STAU1: variants seen among roughly 807,000 people sequenced by gnomAD.
STAU1 encodes the protein double-stranded RNA-binding protein Staufen homolog 1.
Under a neutral mutation model 62.9 loss-of-function variants are expected in STAU1, and 13 were observed. The observed-to-expected ratio is 0.21, with a 90% CI of 0.13 to 0.33. STAU1 has a LOEUF of 0.33. Ranked by LOEUF, STAU1 falls within the 10% of genes least tolerant of loss-of-function variation. STAU1 has a pLI of 1.00. For missense variants in STAU1, 571 were observed against 712.1 expected (o/e 0.80, Z 2.25); for synonymous variants, 269 against 265.1 (o/e 1.01, Z -0.14).
At chr20:49,121,717 T>C (rs952529851) in intron 8 of STAU1, among the ~76,000 whole-genome samples, 6 of 152,216 alleles carry the variant, frequency 3.9e-5, no homozygotes, top group African/African-American at 1.4e-4. Context: ...GTCAGTAAAA[T>C]TTATAACACA....
intron 6 of STAU1, chr20:49,134,917 G>T (rs1191599591): frequency 6.3e-7 from 1 of 1,593,586 alleles, no homozygotes; most frequent in African/African-American, 1.3e-5. Context: ...GACTTTGTGA[G>T]GAAGTTTTCG....
chr20:49,142,294 GC>G, intron 5 of STAU1, among the ~76,000 whole-genome samples: 1 of 151,984 alleles, frequency 6.6e-6, no homozygotes, highest in African/African-American at 2.4e-5. Context: ...CGTCATGCTG[GC>G]CAGGCTGATC....
chr20:49,154,102 T>A, intron 3 of STAU1, 31 bp from the exon 4 acceptor site: 1 of 1,581,472 alleles, frequency 6.3e-7, no homozygotes, highest in Non-Finnish European at 8.6e-7. Context: ...AGAACTGTTT[T>A]TTTCTGGTAT....
intron 5 of STAU1, among the ~76,000 whole-genome samples, chr20:49,150,104 G>C (rs1295746504): frequency 6.6e-6 from 1 of 152,188 alleles, no homozygotes; most frequent in African/African-American, 2.4e-5. Context: ...TCTGTGATAA[G>C]ATTCTGCCTG....
intron 2 of STAU1, among the ~76,000 whole-genome samples, chr20:49,167,553 T>G (rs963749693): frequency 6.6e-6 from 1 of 152,156 alleles, no homozygotes; most frequent in African/African-American, 2.4e-5. Flanking sequence ...AAGAGTGCAG[T>G]TGTTCCTTTT....
chr20:49,139,481 T>C (rs2092960322), intron 5 of STAU1, among the ~76,000 whole-genome samples: 1 of 152,168 alleles, frequency 6.6e-6, no homozygotes, highest in South Asian at 2.1e-4. Context: ...TCCCAGCACT[T>C]TGGGAGGCCG....
At chr20:49,192,075 G>A (rs1017022337), upstream of STAU1, among the ~76,000 whole-genome samples, 3 of 143,638 alleles carry the variant, frequency 2.1e-5, no homozygotes, top group Non-Finnish European at 4.5e-5. Context: ...GGCTGGGCAC[G>A]GTGGTTCACG....
intron 5 of STAU1, among the ~76,000 whole-genome samples, chr20:49,142,213 A>G (rs778913139): frequency 1.2e-4 from 19 of 152,154 alleles, no homozygotes; most frequent in Non-Finnish European, 2.2e-4. Context: ...CAGCCTCCCA[A>G]GGAGCTGGGA....
At chr20:49,162,423 T>C (rs773545184) in intron 3 of STAU1, among the ~76,000 whole-genome samples, 3 of 152,060 alleles carry the variant, frequency 2.0e-5, no homozygotes, top group South Asian at 2.1e-4. Context: ...GTCCAAGGAA[T>C]TGTGGGGGTG....
intron 3 of STAU1, among the ~76,000 whole-genome samples, chr20:49,161,302 G>C (rs1339955923): frequency 6.6e-6 from 1 of 152,102 alleles, no homozygotes; most frequent in African/African-American, 2.4e-5. Context: ...CTCCAGCCTA[G>C]GCGGCAAAGA....
At chr20:49,163,419 CTTTTTTT>C (rs200864480) in intron 3 of STAU1, among the ~76,000 whole-genome samples, 71 of 82,374 alleles carry the variant, frequency 8.6e-4, no homozygotes, top group South Asian at 1.7e-3. Context: ...GTGTTTAAAC[CTTTTTTT>C]TTTTTTTTTT....
At chr20:49,140,739 A>T (rs1442836489) in intron 5 of STAU1, among the ~76,000 whole-genome samples, 1 of 152,204 alleles carries the variant, frequency 6.6e-6, no homozygotes, top group Non-Finnish European at 1.5e-5. Context: ...TGCAAAACCA[A>T]GAATGTATTT....
At chr20:49,210,399 G>A in the STAU1 span, 1 of 455,656 alleles carries the variant, frequency 2.2e-6, no homozygotes. Context: ...CATTCCAGGG[G>A]GCAAATGTGT....
At chr20:49,143,368 G>C (rs986317481) in intron 5 of STAU1, among the ~76,000 whole-genome samples, 1 of 152,048 alleles carries the variant, frequency 6.6e-6, no homozygotes, top group African/African-American at 2.4e-5. Flanking sequence ...ACGGTGGGCG[G>C]ATCACTTGAG....
intron 3 of STAU1, among the ~76,000 whole-genome samples, chr20:49,162,812 T>C (rs368289200): frequency 2.0e-5 from 3 of 146,582 alleles, no homozygotes; most frequent in African/African-American, 5.0e-5. Flanking sequence ...GTAAAGGAAA[T>C]GAGAAGACAA....
At chr20:49,176,186 C>G (rs1163282431) in intron 1 of STAU1, among the ~76,000 whole-genome samples, 1 of 152,126 alleles carries the variant, frequency 6.6e-6, no homozygotes, top group Non-Finnish European at 1.5e-5. Context: ...TTATACCTAC[C>G]ACTTTATTCG....
chr20:49,170,734 C>T (rs946219952), intron 2 of STAU1, among the ~76,000 whole-genome samples: 1 of 144,834 alleles, frequency 6.9e-6, no homozygotes, highest in Non-Finnish European at 1.5e-5. Flanking sequence ...GTTTAATCAA[C>T]ATATCAGTCT....
Position 49,129,528 on chromosome 20 carries a change from C to T in STAU1, c.610-4941G>A, listed in dbSNP as rs1331582969. Among the ~76,000 whole-genome samples, 3 of 150,416 alleles carry T rather than the reference C, an allele frequency of 2.0e-5. No individual in the cohort carries two copies. In the East Asian group the frequency reaches 5.9e-4, roughly 29 times the overall value. On this transcript the variant is annotated intron_variant, in intron 6 of 13. Transcript: ENST00000371856. ...GAATAACTAAAATTTTAAAAGCTGA[C>T]AATACCCAAGTGTTGGAGAGGATGT... is the stretch of plus-strand genomic sequence containing the variant.
intron 3 of STAU1, 100 bp from the exon 4 acceptor site, chr20:49,154,171 G>T: frequency 7.8e-7 from 1 of 1,279,864 alleles, no homozygotes; most frequent in Non-Finnish European, 1.1e-6. Flanking sequence ...TTGGATTCAT[G>T]ATACTTTACA....
Sources: allele counts gnomAD v4.1 joint callset (sites outside exome capture counted in the v4.1 genomes callset), GRCh38; gene constraint gnomAD v4.1.1; transcripts MANE v1.5; gene names NCBI Gene and HGNC (gene_info 2026-07-23, HGNC 2026-07-21).